Variants in TMC7 observed in about 807,000 individuals in gnomAD.
The protein encoded by TMC7 is transmembrane channel like 7.
Under a neutral mutation model 82.9 loss-of-function variants are expected in TMC7, and 54 were observed. The observed-to-expected ratio is 0.65, with a 90% CI of 0.52 to 0.82. The LOEUF is 0.82. Ranked by LOEUF, TMC7 falls within the 40% of genes least tolerant of loss-of-function variation. The pLI, the probability that TMC7 is intolerant of heterozygous loss-of-function variation, is 0.00. For synonymous variants in TMC7, 350 were observed against 337.9 expected (o/e 1.04, Z -0.39); for missense variants, 820 against 901.2 (o/e 0.91, Z 1.15).
At chr16:19,053,834 CTG>C (rs1961647891) in intron 13 of TMC7, among the ~76,000 whole-genome samples, 2 of 149,580 alleles carry the variant, frequency 1.3e-5, no homozygotes, top group Admixed American at 6.7e-5. Flanking sequence ...CTCCTCATAT[CTG>C]TGTCTTTTCT....
intron 1 of TMC7, among the ~76,000 whole-genome samples, chr16:18,990,849 G>C (rs762865231): frequency 3.3e-5 from 5 of 152,208 alleles, no homozygotes; most frequent in Middle Eastern, 6.8e-3. Flanking sequence ...GGTAGAAACA[G>C]ATCACAATGG....
rs1236867350 is a variant in TMC7 at position 19,035,821 on chromosome 16, C to T, written c.1003C>T (p.Arg335Ter). The T allele has an allele frequency of 3.8e-6, 6 of 1,576,994 alleles. No individual in the cohort carries two copies. The African/African-American group carries it at 4.1e-5, about 11-fold the overall frequency. The part of the protein sequence containing the change: ...LKHSSLRYEL[R>*]ADLEEERMRQ... ...GCACAGCAGCTTGCGGTACGAGCTC[C>T]GAGTGAGTGCTCCTGAGTTTGTCCG... Residue 335 changes from arginine to a stop codon, truncating the protein, a stop_gained and splice_region_variant, in exon 7 of 16, where the codon CGA becomes TGA. Transcript: ENST00000304381. LOFTEE classifies it high-confidence loss of function.
Position 19,045,343 on chromosome 16 carries a change from C to A in TMC7, c.1458C>A (p.Cys486Ter). The A allele has an allele frequency of 8.1e-6, 13 of 1,613,518 alleles. No individual in the cohort carries two copies. The highest frequency in any genetic ancestry group is 9.3e-6 in the Non-Finnish European group (11 of 1,179,478). ...TCCCTCACTCTCTTTGATTTCAGTGCTGGGAGACCCAAGTTGGGCAGGAAA... is the reference window on the plus strand; with the variant it reads ...TCCCTCACTCTCTTTGATTTCAGTGATGGGAGACCCAAGTTGGGCAGGAAA... Reference protein sequence around the residue: ...LCGYNQKLYPCWETQVGQEMY... With the variant: ...LCGYNQKLYP The change falls in exon 11 of 16, where the codon TGC (cysteine) becomes TGA (stop). Residue 486 changes from cysteine (C) to a stop codon, truncating the protein, a stop_gained and splice_region_variant. Transcript: ENST00000304381. LOFTEE classifies it high-confidence loss of function.
intron 2 of TMC7, among the ~76,000 whole-genome samples, chr16:19,015,825 C>T (rs1033195585): frequency 3.9e-5 from 6 of 152,024 alleles, no homozygotes; most frequent in Non-Finnish European, 7.4e-5. Flanking sequence ...ATCCACCTGC[C>T]TCAGCCTCCC....
At chr16:19,017,210 A>G (rs1218257091) in intron 3 of TMC7, among the ~76,000 whole-genome samples, 1 of 152,034 alleles carries the variant, frequency 6.6e-6, no homozygotes, top group Non-Finnish European at 1.5e-5. Context: ...AAAGGTGCTC[A>G]TGATGCTCAC....
At chr16:19,017,860 C>T (rs1010921443) in intron 3 of TMC7, among the ~76,000 whole-genome samples, 14 of 151,812 alleles carry the variant, frequency 9.2e-5, no homozygotes, top group Non-Finnish European at 1.5e-4. Flanking sequence ...TTAGTAGAGA[C>T]GGGGTTTCAC....
chr16:19,015,262 C>A (rs574492153), intron 2 of TMC7, among the ~76,000 whole-genome samples: 4 of 151,576 alleles, frequency 2.6e-5, no homozygotes, highest in African/African-American at 9.7e-5. Context: ...CTGTGCCTGG[C>A]CTCCTTGTTT....
At chr16:19,039,234 G>A (rs996112166) in intron 8 of TMC7, among the ~76,000 whole-genome samples, 2 of 151,882 alleles carry the variant, frequency 1.3e-5, no homozygotes, top group Non-Finnish European at 2.9e-5. Context: ...GGGATTACAG[G>A]CACCCGCCAA....
intron 1 of TMC7, among the ~76,000 whole-genome samples, chr16:18,993,890 T>C (rs1034471720): frequency 6.6e-6 from 1 of 152,126 alleles, no homozygotes; most frequent in African/African-American, 2.4e-5. Context: ...GTAGCCTCAA[T>C]GATAGATGTG....
At position 19,023,215 on chromosome 16, in the gene TMC7, C is replaced by T. The variant is rs777497973; in HGVS notation, c.711+20C>T. The T allele has an allele frequency of 1.4e-6, 2 of 1,465,430 alleles. No homozygotes were observed. The highest frequency in any genetic ancestry group is 1.2e-5 in the South Asian group (1 of 84,798). The allele number at this position is 1,465,430 out of a possible 1,614,324, so 90.8% of individuals were successfully genotyped here. A position where few individuals can be genotyped will look rare whatever the true frequency, so the allele number is the denominator to read the frequency against. On this transcript the variant is annotated intron_variant, in intron 5 of 15. Transcript: ENST00000304381. ...GGCACTGTAAGTATTTAACATAATC[C>T]TTTGTTTAGCTCCTCAATCTACTAA...
At position 18,985,190 on chromosome 16, in the gene TMC7, C is replaced by T. The variant is rs9930301; in HGVS notation, c.67+1060C>T. On this transcript the variant is annotated intron_variant, in intron 1 of 15. Transcript: ENST00000304381. Reference sequence around the variant, plus strand: ...CAGAGAATAGCTTGAACCCGGGAGGCGGAGGTTGCAGTGAGCCGAGATTGC... The same window carrying T: ...CAGAGAATAGCTTGAACCCGGGAGGTGGAGGTTGCAGTGAGCCGAGATTGC... Among the ~76,000 whole-genome samples the T allele has an allele frequency of 5.0e-3, 761 of 150,720 alleles. 4 individuals carry two copies. The highest frequency in any genetic ancestry group is 0.018 in the African/African-American group (721 of 41,114).
chr16:19,021,582 G>A, intron 3 of TMC7, 47 bp from the exon 4 acceptor site: 1 of 1,601,480 alleles, frequency 6.2e-7, no homozygotes, highest in Non-Finnish European at 8.5e-7. Context: ...ATGATGTGTA[G>A]TGTATCAATA....
At chr16:19,043,435 C>T (rs1374312951) in intron 9 of TMC7, among the ~76,000 whole-genome samples, 1 of 111,872 alleles carries the variant, frequency 8.9e-6, no homozygotes, top group East Asian at 2.7e-4. Flanking sequence ...CCATTTTAAC[C>T]ATTGTCAGAG....
chr16:18,985,743 G>A (rs1195277832), intron 1 of TMC7, among the ~76,000 whole-genome samples: 1 of 150,306 alleles, frequency 6.7e-6, no homozygotes, highest in Non-Finnish European at 1.5e-5. Context: ...ACATTGGTGG[G>A]AGGCTCAGAA....
At chr16:19,020,391 G>A (rs554195555) in intron 3 of TMC7, among the ~76,000 whole-genome samples, 9 of 152,124 alleles carry the variant, frequency 5.9e-5, no homozygotes, top group East Asian at 1.9e-4. Context: ...GAAATAAAAT[G>A]TCATTTTTTT....
chr16:18,999,625 GTGAATACA>G (rs2142143066), intron 1 of TMC7, among the ~76,000 whole-genome samples: 1 of 152,330 alleles, frequency 6.6e-6, no homozygotes, highest in South Asian at 2.1e-4. Context: ...TGACTGGTGG[GTGAATACA>G]TGAATAGATG....
intron 1 of TMC7, among the ~76,000 whole-genome samples, chr16:18,997,130 G>A (rs941657984): frequency 1.3e-5 from 2 of 152,246 alleles, no homozygotes; most frequent in African/African-American, 4.8e-5. Context: ...ATCTCCTCAC[G>A]GAGTGAGGGC....
At chr16:18,991,105 G>A (rs62044206) in intron 1 of TMC7, among the ~76,000 whole-genome samples, 70,645 of 152,050 alleles carry the variant, frequency 0.46, 19,025 homozygotes, top group East Asian at 0.76. Context: ...TGCTTCGAGC[G>A]GGACTAGGGG....
At chr16:19,059,654 T>A in intron 15 of TMC7, 160 bp downstream of exon 15, 1 of 1,547,574 alleles carries the variant, frequency 6.5e-7, no homozygotes, top group Non-Finnish European at 8.7e-7. Context: ...TCCAGCTTCA[T>A]TAATTCACTG....
Sources: allele counts gnomAD v4.1 joint callset (sites outside exome capture counted in the v4.1 genomes callset), GRCh38; gene constraint gnomAD v4.1.1; transcripts MANE v1.5; gene names NCBI Gene and HGNC (gene_info 2026-07-23, HGNC 2026-07-21).